ZNF454: variants seen among roughly 807,000 people sequenced by gnomAD.
The protein encoded by ZNF454 is zinc finger protein 454.
A neutral mutation model predicts 48.2 loss-of-function variants in ZNF454; 30 were observed. The observed-to-expected ratio is 0.62, with a 90% CI of 0.47 to 0.84. The LOEUF is 0.84. ZNF454 is among the 40% of genes least tolerant of loss of function. The pLI is 0.00. For missense variants in ZNF454, 510 were observed against 623.1 expected, an observed-to-expected ratio of 0.82 and a Z score of 1.93; for synonymous variants, 204 against 211.4, an observed-to-expected ratio of 0.97 and a Z score of 0.30.
the ZNF454 span, chr5:178,989,006 C>G: frequency 3.7e-6 from 6 of 1,614,066 alleles, no homozygotes; most frequent in Non-Finnish European, 5.1e-6. Context: ...CGGGCACAGG[C>G]CTGTGTGCCC....
At chr5:178,986,274 G>A in the ZNF454 span, 9 of 1,613,962 alleles carry the variant, frequency 5.6e-6, no homozygotes, top group Non-Finnish European at 7.6e-6. Flanking sequence ...TGAGGGTCGT[G>A]CCCAGGCCCA....
the ZNF454 span, among the ~76,000 whole-genome samples, chr5:178,974,021 G>C: frequency 1.3e-5 from 2 of 152,142 alleles, no homozygotes; most frequent in African/African-American, 4.8e-5. Context: ...CTGGGATGGT[G>C]CGGTGAAGAT....
chr5:178,982,842 C>T, the ZNF454 span: 2 of 1,104,734 alleles, frequency 1.8e-6, no homozygotes, highest in South Asian at 2.5e-5. Context: ...AGCATTTAAT[C>T]TCATGAATGA....
At chr5:178,988,994 G>C in the ZNF454 span, 1 of 1,614,002 alleles carries the variant, frequency 6.2e-7, no homozygotes. The surrounding 1 kb of genome is among the most constrained non-coding windows in gnomAD (Gnocchi z 6.0). Context: ...GGGTTCCATC[G>C]CCGGGCACAG....
intron 4 of ZNF454, among the ~76,000 whole-genome samples, chr5:178,949,829 A>C (rs1581863253): frequency 2.6e-5 from 4 of 151,884 alleles, no homozygotes; most frequent in East Asian, 1.9e-4. Flanking sequence ...GTTGGCCAGG[A>C]TGGTCTTGAT....
the ZNF454 span, among the ~76,000 whole-genome samples, chr5:178,987,980 G>T: frequency 6.6e-6 from 1 of 151,076 alleles, no homozygotes; most frequent in Admixed American, 6.6e-5. Flanking sequence ...GGCTGGTCTC[G>T]AACTCCTGAC....
At chr5:178,981,689 G>A in the ZNF454 span, 1 of 1,614,006 alleles carries the variant, frequency 6.2e-7, no homozygotes, top group Non-Finnish European at 8.5e-7. The surrounding 1 kb of genome is among the most constrained non-coding windows in gnomAD (Gnocchi z 5.1). Flanking sequence ...TCGCCCTTGG[G>A]TGGGGCTGCC....
At position 178,957,743 on chromosome 5, in the gene ZNF454, G is replaced by A. The variant is rs140726003; in HGVS notation, c.251-6912G>A. ...GTTGCTCACACCAGAGTGCTCTTTTGTACTGCAGGCTAAATCAGTGCCAGT... is the reference window on the plus strand; with the variant it reads ...GTTGCTCACACCAGAGTGCTCTTTTATACTGCAGGCTAAATCAGTGCCAGT... On this transcript the variant is annotated intron_variant, in intron 4 of 4. Coordinates refer to ENST00000519564, the MANE Select transcript of ZNF454 (RefSeq NM_001178089.3). 5.3e-5 allele frequency among the ~76,000 whole-genome samples: 8 copies of A among 152,236 alleles called. No homozygotes were observed. The East Asian group carries it at 1.5e-3, about 29-fold the overall frequency.
the ZNF454 span, among the ~76,000 whole-genome samples, chr5:178,973,700 C>CA: frequency 6.6e-6 from 1 of 151,962 alleles, no homozygotes; most frequent in Non-Finnish European, 1.5e-5. Context: ...AAAAATTAGC[C>CA]GGTGTGGTGG....
chr5:178,950,576 T>C (rs1410953293), intron 4 of ZNF454, among the ~76,000 whole-genome samples: 2 of 152,210 alleles, frequency 1.3e-5, no homozygotes, highest in African/African-American at 2.4e-5. Flanking sequence ...AAAGGAATGC[T>C]CAGCCAAAGG....
At chr5:178,986,634 G>A in the ZNF454 span, 350 of 1,602,808 alleles carry the variant, frequency 2.2e-4, no homozygotes, top group East Asian at 3.8e-4. Flanking sequence ...CACAGGCCTC[G>A]CAGTGCCAAC....
chr5:178,989,260 C>T, the ZNF454 span: 1 of 1,590,380 alleles, frequency 6.3e-7, no homozygotes, highest in African/African-American at 1.4e-5. Flanking sequence ...CTGGGCAGCT[C>T]TCACCTGTGC....
the ZNF454 span, among the ~76,000 whole-genome samples, chr5:178,984,420 A>G: frequency 1.3e-5 from 2 of 152,230 alleles, no homozygotes; most frequent in African/African-American, 4.8e-5. Context: ...TTGAAGCCAC[A>G]GTGAGATGCC....
chr5:178,989,973 C>T, the ZNF454 span: 1 of 202,992 alleles, frequency 4.9e-6, no homozygotes, highest in African/African-American at 2.3e-5. Context: ...TACTCTCAGT[C>T]CAGGCTGCCA....
At position 178,946,821 on chromosome 5, in the gene ZNF454, C is replaced by T. The variant is rs1338670275; in HGVS notation, c.161-76C>T. 2.2e-6 allele frequency: 3 copies of T among 1,359,794 alleles called. No individual in the cohort carries two copies. The highest frequency in any genetic ancestry group is 2.3e-5 in the East Asian group (1 of 43,652). The allele number at this position is 1,359,794 out of a possible 1,614,324, so 84.2% of individuals were successfully genotyped here. A position where few individuals can be genotyped will look rare whatever the true frequency, so the allele number is the denominator to read the frequency against. ...CCATTTCCCAGCAAGCTCTGAGGAC[C>T]AGGCTTTGTCTTTGCAGTGATTTTT... On this transcript the variant is annotated intron_variant, in intron 3 of 4. Transcript: ENST00000519564. This position sits in a 1 kb window ranked among gnomAD's most constrained non-coding sequence, Gnocchi z 4.5.
At chr5:178,983,123 C>T in the ZNF454 span, 1 of 1,614,034 alleles carries the variant, frequency 6.2e-7, no homozygotes, top group Admixed American at 1.7e-5. Context: ...CGCACTTGAG[C>T]ACCCCTCTGG....
chr5:178,978,309 C>T, the ZNF454 span: 2 of 152,194 alleles, frequency 1.3e-5, no homozygotes, highest in South Asian at 4.2e-4. Context: ...AAGAAGCAAC[C>T]GAAGACCTAA....
rs370913285 is a variant in ZNF454 at position 178,965,531 on chromosome 5, G to T, written c.1127G>T (p.Arg376Ile). The T allele has an allele frequency of 1.2e-6, 2 of 1,614,024 alleles. No individual in the cohort carries two copies. The highest frequency in any genetic ancestry group is 8.5e-7 in the Non-Finnish European group (1 of 1,179,982). Residue 376 changes from arginine (R) to isoleucine (I), a missense_variant, in exon 5 of 5, where the codon AGA becomes ATA. Coordinates refer to ENST00000519564, the MANE Select transcript of ZNF454 (RefSeq NM_001178089.3). This position sits in a 1 kb window ranked among gnomAD's most constrained non-coding sequence, Gnocchi z 5.2. ...RVNSSLTEHQ[R>I]IHTGEKPYKC... ...AACTCTTCCCTTACTGAACATCAGA[G>T]AATTCATACTGGAGAGAAACCTTAT...
At chr5:178,977,971 A>G in the ZNF454 span, among the ~76,000 whole-genome samples, 1 of 152,136 alleles carries the variant, frequency 6.6e-6, no homozygotes, top group East Asian at 1.9e-4. Context: ...TTCTTATCAG[A>G]GCCTTATTCC....
Sources: gnomAD v4.1 joint callset for allele counts (sites outside exome capture counted in the v4.1 genomes callset) on GRCh38, gnomAD v4.1.1 for gene constraint, Gnocchi (gnomAD v3.1) non-coding constraint, MANE v1.5 for transcripts, NCBI Gene and HGNC (gene_info 2026-07-23, HGNC 2026-07-21) for gene names.